Variants in PITPNC1 observed in about 807,000 individuals in gnomAD.
The protein encoded by PITPNC1 is phosphatidylinositol transfer protein cytoplasmic 1.
PITPNC1 carries 18 observed loss-of-function variants against 44.7 expected under a neutral mutation model. That is an observed-to-expected ratio of 0.40 (90% CI 0.28 to 0.60). The LOEUF (loss-of-function observed/expected upper bound fraction) is 0.60, where lower values mean the gene tolerates loss of function less well. PITPNC1 is among the 20% of genes least tolerant of loss of function. The pLI is 0.39. For missense variants in PITPNC1, 290 were observed against 418.4 expected (o/e 0.69, Z 2.68); for synonymous variants, 141 against 149.6 (o/e 0.94, Z 0.42).
At chr17:67,518,053 T>C in intron 1 of PITPNC1, among the ~76,000 whole-genome samples, 1 of 152,186 alleles carries the variant, frequency 6.6e-6, no homozygotes, top group South Asian at 2.1e-4. Flanking sequence ...CACCCCAAAT[T>C]GTTGAATATA....
chr17:67,441,257 C>T (rs1003147012), intron 1 of PITPNC1, among the ~76,000 whole-genome samples: 3 of 151,634 alleles, frequency 2.0e-5, no homozygotes, highest in East Asian at 1.9e-4. Context: ...AGTTAGGTCT[C>T]GCAGGCTTGT....
chr17:67,501,262 A>C (rs2949943), intron 1 of PITPNC1, among the ~76,000 whole-genome samples: 1 of 151,864 alleles, frequency 6.6e-6, no homozygotes, highest in Non-Finnish European at 1.5e-5. Context: ...CTTTTGTGTT[A>C]TCCTGGAATT....
At chr17:67,611,352 T>C (rs2041684875) in intron 5 of PITPNC1, 1 of 152,244 alleles carries the variant, frequency 6.6e-6, no homozygotes, top group African/African-American at 2.4e-5. Context: ...GAATGACTTT[T>C]GCTATTACCT....
intron 1 of PITPNC1, chr17:67,378,869 C>A: frequency 2.0e-6 from 1 of 494,348 alleles, no homozygotes; most frequent in Non-Finnish European, 2.6e-6. Context: ...GAGCCGGGAG[C>A]GGCGGGGGCT....
chr17:67,378,277 C>G, intron 1 of PITPNC1, 75 bp downstream of exon 1: 1 of 998,766 alleles, frequency 1.0e-6, no homozygotes, highest in Non-Finnish European at 1.4e-6. Context: ...GCCGGCGAGC[C>G]CCGGGCGAGC....
chr17:67,522,659 C>T lies in PITPNC1; in HGVS notation c.49-10143C>T, dbSNP rs376949785. The stretch of plus-strand genomic sequence containing the variant: ...ATATCATAAAATTTACCATTTTAAT[C>T]TTTTTTTTTTTTTTGGAAAATGAGG... On this transcript the variant is annotated intron_variant, in intron 1 of 8. Transcript: ENST00000581322. Among the ~76,000 whole-genome samples, 268 of 117,140 alleles carry T rather than the reference C, an allele frequency of 2.3e-3. 6 individuals carry two copies. Among genetic ancestry groups the T allele is most frequent in the African/African-American group, 9.7e-3 (221 of 22,778 alleles). The allele number at this position is 117,140 out of a possible 152,430, so 76.8% of individuals were successfully genotyped here.
chr17:67,379,006 C>T, intron 1 of PITPNC1: 5 of 985,422 alleles, frequency 5.1e-6, no homozygotes, highest in Non-Finnish European at 3.6e-6. Context: ...CCCGATCCTG[C>T]GAAGCCGCGA....
At chr17:67,422,403 T>A (rs1287655280) in intron 1 of PITPNC1, among the ~76,000 whole-genome samples, 1 of 152,178 alleles carries the variant, frequency 6.6e-6, no homozygotes, top group Non-Finnish European at 1.5e-5. Context: ...TATTTATTTT[T>A]TAAAATAGAG....
At chr17:67,495,557 C>G (rs979288730) in intron 1 of PITPNC1, among the ~76,000 whole-genome samples, 4 of 152,134 alleles carry the variant, frequency 2.6e-5, no homozygotes, top group Non-Finnish European at 4.4e-5. Flanking sequence ...AAGCAGGCCC[C>G]CAATGTCTGT....
At chr17:67,397,244 G>A (rs1184886979) in intron 1 of PITPNC1, among the ~76,000 whole-genome samples, 1 of 152,078 alleles carries the variant, frequency 6.6e-6, no homozygotes, top group African/African-American at 2.4e-5. Context: ...GCCTCTCAAA[G>A]TGCTGAGATT....
At position 67,518,974 on chromosome 17, in the gene PITPNC1, G is replaced by A. The variant is rs187871495; in HGVS notation, c.49-13828G>A. Reference sequence around the variant, plus strand: ...ATTTTTAAATGTAAAACAAGTGTTGGTGGAGATGTGGAGAAATCAGAGCCC... The same window carrying A: ...ATTTTTAAATGTAAAACAAGTGTTGATGGAGATGTGGAGAAATCAGAGCCC... On this transcript the variant is annotated intron_variant, in intron 1 of 8. Transcript: ENST00000581322. Among the ~76,000 whole-genome samples, 12 of 152,234 alleles carry A rather than the reference G, an allele frequency of 7.9e-5. No individual in the cohort carries two copies. In the South Asian group the frequency reaches 1.2e-3, roughly 16 times the overall value.
intron 1 of PITPNC1, among the ~76,000 whole-genome samples, chr17:67,504,421 A>G (rs2040074391): frequency 6.6e-6 from 1 of 152,216 alleles, no homozygotes; most frequent in South Asian, 2.1e-4. Context: ...GGAGGTAGCA[A>G]TTGCTTTGCT....
chr17:67,610,067 C>T (rs2041666931), intron 5 of PITPNC1, among the ~76,000 whole-genome samples: 1 of 152,200 alleles, frequency 6.6e-6, no homozygotes, highest in South Asian at 2.1e-4. Context: ...CCGGCCACTA[C>T]TTTCCTCTGT....
chr17:67,463,218 A>G (rs1156515650), intron 1 of PITPNC1, among the ~76,000 whole-genome samples: 1 of 152,202 alleles, frequency 6.6e-6, no homozygotes, highest in Admixed American at 6.5e-5. Context: ...GTAACAATTT[A>G]TAATAGCTAA....
intron 1 of PITPNC1, among the ~76,000 whole-genome samples, chr17:67,485,027 C>T (rs2039758014): frequency 6.6e-6 from 1 of 152,126 alleles, no homozygotes; most frequent in African/African-American, 2.4e-5. Flanking sequence ...ACTAGCGTTT[C>T]CATCTTACAA....
chr17:67,605,551 A>G (rs1272440541), intron 5 of PITPNC1, among the ~76,000 whole-genome samples: 2 of 152,206 alleles, frequency 1.3e-5, no homozygotes, highest in Admixed American at 1.3e-4. Flanking sequence ...GCTGGGGGAA[A>G]TTGCATTAGT....
At chr17:67,397,733 G>A (rs1448893584) in intron 1 of PITPNC1, among the ~76,000 whole-genome samples, 1 of 152,132 alleles carries the variant, frequency 6.6e-6, no homozygotes, top group South Asian at 2.1e-4. Flanking sequence ...TGTTCAACTT[G>A]CTTTCTTGGA....
chr17:67,486,931 G>A (rs1429978819), intron 1 of PITPNC1, among the ~76,000 whole-genome samples: 3 of 151,988 alleles, frequency 2.0e-5, no homozygotes, highest in Non-Finnish European at 4.4e-5. Context: ...TACTTGGGAG[G>A]CTGAGGCAGG....
At chr17:67,458,246 G>A (rs1302922780) in intron 1 of PITPNC1, among the ~76,000 whole-genome samples, 1 of 152,046 alleles carries the variant, frequency 6.6e-6, no homozygotes, top group Admixed American at 6.6e-5. Flanking sequence ...TCTCGTCTCA[G>A]CATCTGCTTC....
Sources: allele counts gnomAD v4.1 joint callset (sites outside exome capture counted in the v4.1 genomes callset), GRCh38; gene constraint gnomAD v4.1.1; transcripts MANE v1.5; gene names NCBI Gene and HGNC (gene_info 2026-07-23, HGNC 2026-07-21).